PLCL1: variants seen among roughly 807,000 people sequenced by gnomAD.
PLCL1 encodes inactive phospholipase C-like protein 1.
Under a neutral mutation model 84.4 loss-of-function variants are expected in PLCL1, and 41 were observed. That is an observed-to-expected ratio of 0.49 (90% CI 0.38 to 0.63). PLCL1 has a LOEUF of 0.63. Ranked by LOEUF, PLCL1 falls within the 30% of genes least tolerant of loss-of-function variation. The probability of loss-of-function intolerance (pLI) is 0.00; values close to 1 mark genes in which losing one functional copy is unlikely to be tolerated. For missense variants in PLCL1, 1,206 were observed against 1,367.8 expected, an observed-to-expected ratio of 0.88 and a Z score of 1.87; for synonymous variants, 490 against 488.3, an observed-to-expected ratio of 1.00 and a Z score of -0.05.
intron 1 of PLCL1, among the ~76,000 whole-genome samples, chr2:197,991,155 T>C (rs1690338475): frequency 6.6e-6 from 1 of 152,254 alleles, no homozygotes; most frequent in East Asian, 1.9e-4. Context: ...AGGGCCTGAA[T>C]AGAACAAAAA....
intron 1 of PLCL1, among the ~76,000 whole-genome samples, chr2:197,988,365 T>C (rs189494152): frequency 3.9e-5 from 6 of 152,296 alleles, no homozygotes; most frequent in Admixed American, 1.3e-4. Flanking sequence ...TATGTAGTAT[T>C]ATTTATTCCT....
chr2:197,834,640 C>A (rs1691144245), intron 1 of PLCL1, among the ~76,000 whole-genome samples: 1 of 152,172 alleles, frequency 6.6e-6, no homozygotes, highest in Admixed American at 6.5e-5. Flanking sequence ...ATTAAAAAGT[C>A]AGGAAACAAC....
Position 198,051,904 on chromosome 2 carries a change from CATT to C in PLCL1, c.241-31838_241-31836del, listed in dbSNP as rs908782837. The stretch of plus-strand genomic sequence containing the variant: ...TGTGCCACCACGGCCAGCTAATTAT[CATT>C]ATTATTATTATTATTTTTTGAGACC... On this transcript the variant is annotated intron_variant, in intron 1 of 5. Coordinates refer to ENST00000428675, the MANE Select transcript of PLCL1 (RefSeq NM_006226.4). 2.0e-5 allele frequency among the ~76,000 whole-genome samples: 3 copies of C among 149,922 alleles called. No individual in the cohort carries two copies. In the South Asian group the frequency reaches 6.3e-4, roughly 32 times the overall value.
chr2:198,099,301 T>C (rs1289528806), intron 3 of PLCL1, among the ~76,000 whole-genome samples: 2 of 152,024 alleles, frequency 1.3e-5, no homozygotes, highest in East Asian at 3.9e-4. Context: ...GAGGTGAAAC[T>C]CAAATCGACC....
At chr2:198,007,845 G>T (rs1055612530) in intron 1 of PLCL1, among the ~76,000 whole-genome samples, 2 of 152,104 alleles carry the variant, frequency 1.3e-5, no homozygotes, top group Non-Finnish European at 2.9e-5. Flanking sequence ...TATAAGGAAA[G>T]ATATATGCAA....
chr2:197,947,237 A>ATATATATATAT (rs1689294732), intron 1 of PLCL1, among the ~76,000 whole-genome samples: 6 of 142,750 alleles, frequency 4.2e-5, no homozygotes, highest in African/African-American at 1.6e-4. Flanking sequence ...TGCTTAGATA[A>ATATATATATAT]ATATATATAT....
chr2:198,023,238 A>C (rs1366076862), intron 1 of PLCL1, among the ~76,000 whole-genome samples: 2 of 152,222 alleles, frequency 1.3e-5, no homozygotes, highest in Admixed American at 1.3e-4. Flanking sequence ...CACCTTATAC[A>C]AAAATTAACT....
intron 1 of PLCL1, among the ~76,000 whole-genome samples, chr2:197,897,946 A>G (rs1688187177): frequency 6.6e-6 from 1 of 152,234 alleles, no homozygotes; most frequent in African/African-American, 2.4e-5. Context: ...ATGATCATGA[A>G]TTCATTAAAA....
At chr2:197,808,102 T>A (rs1295210387) in intron 1 of PLCL1, among the ~76,000 whole-genome samples, 5 of 152,232 alleles carry the variant, frequency 3.3e-5, no homozygotes. Flanking sequence ...ATCCTAGGTT[T>A]AAAAACGTTC....
chr2:197,873,404 A>G (rs1194648637), intron 1 of PLCL1, among the ~76,000 whole-genome samples: 1 of 151,992 alleles, frequency 6.6e-6, no homozygotes, highest in Non-Finnish European at 1.5e-5. Flanking sequence ...GACTGTCATC[A>G]AGCTGTGCTG....
rs563635910 is a variant in PLCL1, at chr2:198,131,392, G to T, written c.3106-15388G>T. Among the ~76,000 whole-genome samples the T allele has an allele frequency of 2.0e-5, 3 of 152,168 alleles. No homozygotes were observed. In the South Asian group the frequency reaches 6.2e-4, roughly 32 times the overall value. On this transcript the variant is annotated intron_variant, in intron 5 of 5. Coordinates refer to ENST00000428675, the MANE Select transcript of PLCL1 (RefSeq NM_006226.4). ...ATTCCACTATCATAGCACTTTAATT[G>T]CTTTTTTATCTTTCACGAGACAGTC...
At chr2:198,062,894 C>T (rs541784719) in intron 1 of PLCL1, among the ~76,000 whole-genome samples, 58 of 152,258 alleles carry the variant, frequency 3.8e-4, no homozygotes, top group South Asian at 1.2e-3. Flanking sequence ...AAGGGTGTAT[C>T]AGAATCACCC....
At chr2:198,123,905 C>A (rs192945589) in intron 5 of PLCL1, among the ~76,000 whole-genome samples, 2 of 152,074 alleles carry the variant, frequency 1.3e-5, no homozygotes, top group Admixed American at 6.6e-5. Context: ...TCCAGCCCCC[C>A]AGTCCATGGA....
chr2:197,821,917 A>T (rs1445583615), intron 1 of PLCL1, among the ~76,000 whole-genome samples: 2 of 152,138 alleles, frequency 1.3e-5, no homozygotes, highest in African/African-American at 4.8e-5. Context: ...ATAGGAGGGA[A>T]TCAGACATTA....
intron 1 of PLCL1, among the ~76,000 whole-genome samples, chr2:198,015,106 C>T (rs768936955): frequency 8.5e-5 from 13 of 152,066 alleles, no homozygotes; most frequent in Non-Finnish European, 1.5e-4. Context: ...ATTTCCACTC[C>T]ACTAGAAACA....
chr2:197,836,221 G>A (rs904551561), intron 1 of PLCL1, among the ~76,000 whole-genome samples: 1 of 151,582 alleles, frequency 6.6e-6, no homozygotes, highest in African/African-American at 2.4e-5. Flanking sequence ...CGAGGCGGGC[G>A]GATCACGAGG....
chr2:197,837,676 A>G lies in PLCL1; in HGVS notation c.240+32337A>G, dbSNP rs1429310268. 2.6e-5 allele frequency among the ~76,000 whole-genome samples: 4 copies of G among 152,212 alleles called. No individual in the cohort carries two copies. The East Asian group carries it at 7.7e-4, about 29-fold the overall frequency. On this transcript the variant is annotated intron_variant, in intron 1 of 5. Coordinates refer to ENST00000428675, the MANE Select transcript of PLCL1 (RefSeq NM_006226.4). ...GGCGGGTGACCCACTGAATCAACTA[A>G]GTGAGTGGATTGGTTTCAGTGCACA...
intron 1 of PLCL1, among the ~76,000 whole-genome samples, chr2:197,972,440 G>A (rs1041133145): frequency 2.0e-5 from 3 of 152,168 alleles, no homozygotes; most frequent in African/African-American, 7.2e-5. Context: ...ACCTTGTTGA[G>A]TTCAATTACA....
At chr2:197,996,955 A>G (rs1174562082) in intron 1 of PLCL1, among the ~76,000 whole-genome samples, 1 of 152,144 alleles carries the variant, frequency 6.6e-6, no homozygotes, top group African/African-American at 2.4e-5. Context: ...ATTTTGAATG[A>G]GTTTTGCTTG....
Sources: gnomAD v4.1 joint callset for allele counts (sites outside exome capture counted in the v4.1 genomes callset) on GRCh38, gnomAD v4.1.1 for gene constraint, MANE v1.5 for transcripts, NCBI Gene and HGNC (gene_info 2026-07-23, HGNC 2026-07-21) for gene names.